The following KCNQ1 variants were observed in gnomAD, a reference collection of about 807,000 sequenced individuals.
The protein encoded by KCNQ1 is potassium voltage-gated channel subfamily Q member 1.
A neutral mutation model predicts 72.4 loss-of-function variants in KCNQ1; 49 were observed. That is an observed-to-expected ratio of 0.68 (90% CI 0.54 to 0.86). The LOEUF (loss-of-function observed/expected upper bound fraction) is 0.86, where lower values mean the gene tolerates loss of function less well. Ranked by LOEUF, KCNQ1 falls within the 40% of genes least tolerant of loss-of-function variation. KCNQ1 has a pLI of 0.00. For synonymous variants in KCNQ1, 450 were observed against 412.6 expected (o/e 1.09, Z -1.10); for missense variants, 790 against 945.1 (o/e 0.84, Z 2.15).
At chr11:2,583,072 G>A (rs779430880) in intron 6 of KCNQ1, among the ~76,000 whole-genome samples, 6 of 152,164 alleles carry the variant, frequency 3.9e-5, no homozygotes, top group African/African-American at 1.4e-4. Flanking sequence ...GGGGGCCGGC[G>A]CACAGCAACG....
intron 15 of KCNQ1, among the ~76,000 whole-genome samples, chr11:2,791,566 G>A (rs1847022813): frequency 6.6e-6 from 1 of 151,864 alleles, no homozygotes; most frequent in Non-Finnish European, 1.5e-5. Context: ...ACCTGGCCGT[G>A]CCGGCTGGGC....
Position 2,458,067 on chromosome 11 carries a change from G to A in KCNQ1, c.386+12583G>A, listed in dbSNP as rs540342921. On this transcript the variant is annotated intron_variant, in intron 1 of 15. Transcript: ENST00000155840. The surrounding 1 kb of genome is among the most constrained non-coding windows in gnomAD (Gnocchi z 4.6). ...GGATTCCAGGTCTGTGGCAGAAGAT[G>A]TGCAAGCTAAGCCTGGAGTATTCAT... is the stretch of plus-strand genomic sequence containing the variant. Among the ~76,000 whole-genome samples the A allele has an allele frequency of 6.6e-5, 10 of 152,260 alleles. No individual in the cohort carries two copies. In the East Asian group the frequency reaches 1.7e-3, roughly 27 times the overall value.
Position 2,768,357 on chromosome 11 carries a change from C to G in KCNQ1, c.1515-487C>G, listed in dbSNP as rs1846533179. Among the ~76,000 whole-genome samples the G allele has an allele frequency of 6.6e-6, 1 of 152,208 alleles. No homozygotes were observed. The highest frequency in any genetic ancestry group is 2.4e-5 in the African/African-American group (1 of 41,442). ...AGAGTGGCTCTGGTGGCAACTTTCC[C>G]TTGTTAATTTGTCCTGTAGCCCCTA... On this transcript the variant is annotated intron_variant, in intron 11 of 15. Transcript: ENST00000155840. This position sits in a 1 kb window ranked among gnomAD's most constrained non-coding sequence, Gnocchi z 6.7.
chr11:2,816,035 C>T lies in KCNQ1; in HGVS notation c.1795-31732C>T, dbSNP rs1384627904. On this transcript the variant is annotated intron_variant, in intron 15 of 15. Transcript: ENST00000155840. The surrounding 1 kb of genome is among the most constrained non-coding windows in gnomAD (Gnocchi z 6.8). ...TGCACACAGTCCTGGGTGAGGGCTCCGTTAGATGAATGTGGACGGCTGGCG... is the reference window on the plus strand; with the variant it reads ...TGCACACAGTCCTGGGTGAGGGCTCTGTTAGATGAATGTGGACGGCTGGCG... Among the ~76,000 whole-genome samples the T allele has an allele frequency of 4.6e-5, 7 of 152,148 alleles. No homozygotes were observed. The highest frequency in any genetic ancestry group is 8.8e-5 in the Non-Finnish European group (6 of 68,020).
At chr11:2,618,754 A>G (rs903155153) in intron 10 of KCNQ1, 2 of 398,384 alleles carry the variant, frequency 5.0e-6, no homozygotes, top group African/African-American at 2.1e-5. Flanking sequence ...ATTTTATTCA[A>G]TCTGTATATT....
intron 11 of KCNQ1, among the ~76,000 whole-genome samples, chr11:2,722,799 T>TGGG (rs1564871595): frequency 6.6e-6 from 1 of 152,090 alleles, no homozygotes; most frequent in Non-Finnish European, 1.5e-5. Flanking sequence ...TCCTCCCTCC[T>TGGG]TCCCTCTACC....
In KCNQ1 at chr11:2,813,114, C is replaced by G. The variant is rs1180055828; in HGVS notation, c.1795-34653C>G. 2.6e-5 allele frequency among the ~76,000 whole-genome samples: 4 copies of G among 152,362 alleles called. No homozygotes were observed. Among genetic ancestry groups the G allele is most frequent in the African/African-American group, 9.6e-5 (4 of 41,586 alleles). ...TCCTGTGAGAACCCTGTGCCTAGAA[C>G]GGAGCCTGGTACAGAGGAAGAACCC... On this transcript the variant is annotated intron_variant, in intron 15 of 15. Transcript: ENST00000155840. This position sits in a 1 kb window ranked among gnomAD's most constrained non-coding sequence, Gnocchi z 4.4.
rs564183582 is a variant in KCNQ1, at chr11:2,824,195, C to T, written c.1795-23572C>T. 1.8e-4 allele frequency among the ~76,000 whole-genome samples: 28 copies of T among 152,286 alleles called. No individual in the cohort carries two copies. Among genetic ancestry groups the T allele is most frequent in the Admixed American group, 1.6e-3 (24 of 15,286 alleles). ...ACTAACTCTTCCAGCAAGAGCCACC[C>T]CCTGGCTGAAGTGTGAGGCTGTCCA... is the stretch of plus-strand genomic sequence containing the variant. On this transcript the variant is annotated intron_variant, in intron 15 of 15. Transcript: ENST00000155840. This position sits in a 1 kb window ranked among gnomAD's most constrained non-coding sequence, Gnocchi z 5.9.
intron 1 of KCNQ1, among the ~76,000 whole-genome samples, chr11:2,469,735 G>A (rs1846413947): frequency 1.3e-5 from 2 of 151,196 alleles, no homozygotes; most frequent in Non-Finnish European, 2.9e-5. Flanking sequence ...GTGCAGTGGC[G>A]CGATCTCGGC....
intron 15 of KCNQ1, among the ~76,000 whole-genome samples, chr11:2,793,560 G>C (rs1847074845): frequency 6.6e-6 from 1 of 152,210 alleles, no homozygotes; most frequent in South Asian, 2.1e-4. Context: ...GGAGTTCAAG[G>C]CTGCAGTGAG....
In KCNQ1 at chr11:2,621,660, T is replaced by C. The variant is rs533216871; in HGVS notation, c.1393+32806T>C. 18 of 398,532 alleles carry C rather than the reference T, an allele frequency of 4.5e-5. No individual in the cohort carries two copies. The highest frequency in any genetic ancestry group is 7.5e-5 in the Non-Finnish European group (17 of 226,018). The allele number at this position is 398,532 out of a possible 1,614,324, so 24.7% of individuals were successfully genotyped here. On this transcript the variant is annotated intron_variant, in intron 10 of 15. Transcript: ENST00000155840. The surrounding 1 kb of genome is among the most constrained non-coding windows in gnomAD (Gnocchi z 5.7). Reference sequence around the variant, plus strand: ...GTCCATTTCCTCTAGGTTATCCAATTTGTTGGGATATAATTGTTCATAAAA... The same window carrying C: ...GTCCATTTCCTCTAGGTTATCCAATCTGTTGGGATATAATTGTTCATAAAA...
In KCNQ1 at chr11:2,526,944, T is replaced by C. The variant is rs1847519765; in HGVS notation, c.387-984T>C. Among the ~76,000 whole-genome samples the C allele has an allele frequency of 6.6e-6, 1 of 151,954 alleles. No individual in the cohort carries two copies. The highest frequency in any genetic ancestry group is 2.4e-5 in the African/African-American group (1 of 41,318). On this transcript the variant is annotated intron_variant, in intron 1 of 15. Transcript: ENST00000155840. The surrounding 1 kb of genome is among the most constrained non-coding windows in gnomAD (Gnocchi z 6.1). The stretch of plus-strand genomic sequence containing the variant: ...CCTGGCCCTGGGGGCCATGTGGCCA[T>C]CTCCTGGCTCTCCGGTCGCTGAGGA...
chr11:2,487,197 T>A (rs557971835), intron 1 of KCNQ1, among the ~76,000 whole-genome samples: 83 of 152,308 alleles, frequency 5.4e-4, no homozygotes, highest in African/African-American at 1.9e-3. Flanking sequence ...TGCCACGGTT[T>A]ATTTCTGGGC....
chr11:2,666,507 C>T (rs371613949), intron 11 of KCNQ1: 10 of 398,702 alleles, frequency 2.5e-5, no homozygotes, highest in East Asian at 2.5e-4. Flanking sequence ...TCCAGCAAGG[C>T]CGCTGTGGCC....
intron 6 of KCNQ1, among the ~76,000 whole-genome samples, chr11:2,576,281 C>T (rs572508574): frequency 3.3e-4 from 50 of 152,328 alleles, no homozygotes; most frequent in African/African-American, 7.9e-4. Flanking sequence ...TTGAGTGTCC[C>T]CTCCTGTCCC....
chr11:2,565,541 C>T lies in KCNQ1; in HGVS notation c.478-5087C>T, dbSNP rs75606621. Among the ~76,000 whole-genome samples the T allele has an allele frequency of 0.027, 4,149 of 152,256 alleles. 169 individuals carry two copies. The highest frequency in any genetic ancestry group is 0.083 in the African/African-American group (3,442 of 41,530). ...GACACCTGAGAGCCAACTTATAACA[C>T]GCCCCAGGATGGACATGGATTCACA... On this transcript the variant is annotated intron_variant, in intron 2 of 15. Transcript: ENST00000155840. The surrounding 1 kb of genome is among the most constrained non-coding windows in gnomAD (Gnocchi z 5.6).
Position 2,762,332 on chromosome 11 carries a change from C to G in KCNQ1, c.1515-6512C>G, listed in dbSNP as rs528546580. The stretch of plus-strand genomic sequence containing the variant: ...TATTATCCAACTTTCTTCGACAGGC[C>G]CGATTGCCTCATAGTTAGGCCTGTG... On this transcript the variant is annotated intron_variant, in intron 11 of 15. Transcript: ENST00000155840. The surrounding 1 kb of genome is among the most constrained non-coding windows in gnomAD (Gnocchi z 4.3). 2.0e-5 allele frequency among the ~76,000 whole-genome samples: 3 copies of G among 152,302 alleles called. No homozygotes were observed. The highest frequency in any genetic ancestry group is 7.2e-5 in the African/African-American group (3 of 41,564).
Position 2,778,088 on chromosome 11 carries a change from G to C in KCNQ1, c.1794+51G>C, listed in dbSNP as rs372581525. Reference sequence around the variant, plus strand: ...GGTTCTGGTTAGCGTCCTGGGGCCAGCAGGCACCTCCCTGTGGTCTGCGTG... The same window carrying C: ...GGTTCTGGTTAGCGTCCTGGGGCCACCAGGCACCTCCCTGTGGTCTGCGTG... On this transcript the variant is annotated intron_variant, in intron 15 of 15. Transcript: ENST00000155840. 7.1e-5 allele frequency: 110 copies of C among 1,545,948 alleles called. No individual in the cohort carries two copies. The African/African-American group carries it at 1.4e-3, about 20-fold the overall frequency.
Position 2,810,669 on chromosome 11 carries a change from T to C in KCNQ1, c.1794+32632T>C, listed in dbSNP as rs147082568. Among the ~76,000 whole-genome samples the C allele has an allele frequency of 6.2e-3, 939 of 152,368 alleles. 4 individuals carry two copies. The highest frequency in any genetic ancestry group is 0.01 in the Non-Finnish European group (709 of 68,036). Reference sequence around the variant, plus strand: ...GCTTAATTCCTTGATCTTCTGTTTATGTTTGGCCAGCCAGGCCCCTCTCTC... The same window carrying C: ...GCTTAATTCCTTGATCTTCTGTTTACGTTTGGCCAGCCAGGCCCCTCTCTC... On this transcript the variant is annotated intron_variant, in intron 15 of 15. Transcript: ENST00000155840.
Sources: gnomAD v4.1 joint callset for allele counts (sites outside exome capture counted in the v4.1 genomes callset) on GRCh38, gnomAD v4.1.1 for gene constraint, Gnocchi (gnomAD v3.1) non-coding constraint, MANE v1.5 for transcripts, NCBI Gene and HGNC (gene_info 2026-07-23, HGNC 2026-07-21) for gene names.